The following PIP5K1A variants were observed in gnomAD, a reference collection of about 807,000 sequenced individuals.
PIP5K1A encodes the protein phosphatidylinositol 4-phosphate 5-kinase type-1 alpha.
A neutral mutation model predicts 72.9 loss-of-function variants in PIP5K1A; 46 were observed. That is an observed-to-expected ratio of 0.63 (90% CI 0.50 to 0.81). PIP5K1A has a LOEUF of 0.81. PIP5K1A is among the 30% of genes least tolerant of loss of function. The pLI, the probability that PIP5K1A is intolerant of heterozygous loss-of-function variation, is 0.00. For synonymous variants in PIP5K1A, 228 were observed against 255.1 expected, an observed-to-expected ratio of 0.89 and a Z score of 1.01; for missense variants, 458 against 706.1, an observed-to-expected ratio of 0.65 and a Z score of 3.98.
intron 8 of PIP5K1A, among the ~76,000 whole-genome samples, chr1:151,235,992 G>A (rs978176890): frequency 6.6e-6 from 1 of 151,600 alleles, no homozygotes; most frequent in Non-Finnish European, 1.5e-5. Flanking sequence ...GTGGTGGCAC[G>A]TGCCTGTAAT....
At chr1:151,235,313 CCTCAAATGAT>C (rs1450068313) in intron 8 of PIP5K1A, among the ~76,000 whole-genome samples, 1 of 152,132 alleles carries the variant, frequency 6.6e-6, no homozygotes, top group Non-Finnish European at 1.5e-5. Flanking sequence ...AAACTCCTGA[CCTCAAATGAT>C]CTGCCTGCCT....
intron 1 of PIP5K1A, among the ~76,000 whole-genome samples, chr1:151,208,870 C>G (rs1019113198): frequency 1.3e-5 from 2 of 150,694 alleles, no homozygotes; most frequent in African/African-American, 4.9e-5. Context: ...GTAGCTGGGA[C>G]TACAGGCGCC....
Position 151,231,735 on chromosome 1 carries a change from G to A in PIP5K1A, c.302G>A (p.Ser101Asn), listed in dbSNP as rs1279749049. 4 of 1,613,616 alleles carry A rather than the reference G, an allele frequency of 2.5e-6. No individual in the cohort carries two copies. Among genetic ancestry groups the A allele is most frequent in the African/African-American group, 1.3e-5 (1 of 74,904 alleles). ...ATTACCCACACTGTGGGGAGCCTGA[G>A]TACCAAACCAGAGCGTGATGTCCTC... ...LGITHTVGSL[S>N]TKPERDVLMQ... The change falls in exon 5 of 16, where the codon AGT becomes AAT. Residue 101 changes from serine (S) to asparagine (N), a missense_variant. Ser to Asn is a conservative substitution (Grantham distance 46). Coordinates refer to ENST00000368888, the MANE Select transcript of PIP5K1A (RefSeq NM_001135638.2).
At chr1:151,244,936 CTTTTT>C (rs971449862) in intron 14 of PIP5K1A, among the ~76,000 whole-genome samples, 31 of 131,108 alleles carry the variant, frequency 2.4e-4, no homozygotes, top group Non-Finnish European at 4.8e-4. Context: ...GCTCAAAAGC[CTTTTT>C]TTTTTTTTTT....
chr1:151,211,181 G>A (rs1185246159), intron 1 of PIP5K1A, among the ~76,000 whole-genome samples: 2 of 152,182 alleles, frequency 1.3e-5, no homozygotes, highest in African/African-American at 2.4e-5. Flanking sequence ...ACACACTAGA[G>A]TGAGGAGAAC....
upstream of PIP5K1A, chr1:151,197,810 CCA>C: frequency 6.7e-6 from 2 of 299,638 alleles, no homozygotes; most frequent in South Asian, 5.4e-5. Context: ...ACTGGTCTTC[CCA>C]CCAGGGTTCA....
chr1:151,203,453 C>T (rs149859094), intron 1 of PIP5K1A, among the ~76,000 whole-genome samples: 39 of 149,814 alleles, frequency 2.6e-4, no homozygotes, highest in Non-Finnish European at 4.9e-4. Context: ...TGCTTGAACC[C>T]GGGGGACAGA....
rs748401773 is a variant in PIP5K1A at position 151,224,234 on chromosome 1, T to C, written c.86-11T>C. On this transcript the variant is annotated splice_polypyrimidine_tract_variant and intron_variant, in intron 1 of 15. Transcript: ENST00000368888. The stretch of plus-strand genomic sequence containing the variant: ...GATACACTCTTATGATTGTTTTTTT[T>C]TCCCCCCTAGCAGCATCTGGAATCA... 10 of 1,612,036 alleles carry C rather than the reference T, an allele frequency of 6.2e-6. No homozygotes were observed. Among genetic ancestry groups the C allele is most frequent in the Middle Eastern group, 1.7e-4 (1 of 6,056 alleles).
intron 1 of PIP5K1A, among the ~76,000 whole-genome samples, chr1:151,219,777 A>G (rs1688145990): frequency 6.6e-6 from 1 of 151,608 alleles, no homozygotes; most frequent in Non-Finnish European, 1.5e-5. Flanking sequence ...GCTGAGGTGG[A>G]AGGATCGCTT....
At chr1:151,223,815 C>T (rs1688736695) in intron 1 of PIP5K1A, 1 of 169,792 alleles carries the variant, frequency 5.9e-6, no homozygotes, top group African/African-American at 2.4e-5. Flanking sequence ...ATGGTGAAAT[C>T]CCGCCTCCAC....
At chr1:151,241,279 A>G (rs1475534488) in intron 12 of PIP5K1A, among the ~76,000 whole-genome samples, 2 of 152,304 alleles carry the variant, frequency 1.3e-5, no homozygotes, top group East Asian at 1.9e-4. Flanking sequence ...AGGAGGGCAG[A>G]TCACAAGGTC....
chr1:151,240,796 CAAAGTGATAAA>C (rs1209722854), intron 12 of PIP5K1A, among the ~76,000 whole-genome samples: 4 of 152,106 alleles, frequency 2.6e-5, no homozygotes, highest in Non-Finnish European at 4.4e-5. Context: ...AAAATCTTTA[CAAAGTGATAAA>C]AATTACAAGT....
chr1:151,227,237 T>G, intron 3 of PIP5K1A, 83 bp from the exon 4 acceptor site: 1 of 788,698 alleles, frequency 1.3e-6, no homozygotes, highest in Non-Finnish European at 2.2e-6. Context: ...GTTGTTTCAG[T>G]TTATTTTGTT....
chr1:151,232,216 C>T (rs1197587011), intron 5 of PIP5K1A, 32 bp from the exon 6 acceptor site: 4 of 1,421,858 alleles, frequency 2.8e-6, no homozygotes, highest in Non-Finnish European at 3.0e-6. Flanking sequence ...TAGGGACTGG[C>T]AAGTTATGGC....
At chr1:151,239,559 G>A (rs1278573859) in intron 11 of PIP5K1A, among the ~76,000 whole-genome samples, 1 of 150,134 alleles carries the variant, frequency 6.7e-6, no homozygotes, top group East Asian at 2.0e-4. Context: ...ATGGAGTCTC[G>A]CTCTGTCACT....
In PIP5K1A at chr1:151,239,109, TGATGTA is replaced by T; in HGVS notation, c.1230-20_1230-15del. 6.3e-7 allele frequency: 1 copy of T among 1,585,206 alleles called. No homozygotes were observed. The highest frequency in any genetic ancestry group is 8.7e-7 in the Non-Finnish European group (1 of 1,154,364). On this transcript the variant is annotated splice_polypyrimidine_tract_variant and intron_variant, in intron 10 of 15. Transcript: ENST00000368888. ...TTTATTTAAAAATGACGTGAGTAGG[TGATGTA>T]CATTTTTCTTGCAGGTTTGTTAAGA...
intron 3 of PIP5K1A, among the ~76,000 whole-genome samples, chr1:151,226,537 C>T (rs1689165844): frequency 6.6e-6 from 1 of 151,042 alleles, no homozygotes; most frequent in African/African-American, 2.4e-5. Flanking sequence ...CATGTTGAAA[C>T]CCCATCTCTA....
chr1:151,229,650 A>G (rs1689739237), intron 4 of PIP5K1A, among the ~76,000 whole-genome samples: 1 of 150,976 alleles, frequency 6.6e-6, no homozygotes, highest in African/African-American at 2.4e-5. Flanking sequence ...CATGAGCCAC[A>G]GCACCCGGCC....
intron 1 of PIP5K1A, among the ~76,000 whole-genome samples, chr1:151,218,712 T>C (rs1430210066): frequency 6.6e-6 from 1 of 151,750 alleles, no homozygotes; most frequent in Non-Finnish European, 1.5e-5. Context: ...CGTGCACCTG[T>C]AGTCCCAGCT....
Sources: allele counts gnomAD v4.1 joint callset (sites outside exome capture counted in the v4.1 genomes callset), GRCh38; gene constraint gnomAD v4.1.1; transcripts MANE v1.5; gene names NCBI Gene and HGNC (gene_info 2026-07-23, HGNC 2026-07-21).